SLC25A26: variants seen among roughly 807,000 people sequenced by gnomAD.
SLC25A26 encodes mitochondrial S-adenosylmethionine carrier protein.
Under a neutral mutation model 37.8 loss-of-function variants are expected in SLC25A26, and 36 were observed. The observed-to-expected ratio is 0.95, with a 90% confidence interval of 0.73 to 1.26. The LOEUF (loss-of-function observed/expected upper bound fraction) is 1.26, where lower values mean the gene tolerates loss of function less well. Ranked by LOEUF, SLC25A26 falls within the 50% of genes most tolerant of loss-of-function variation. The probability of loss-of-function intolerance (pLI) is 0.00; values close to 1 mark genes in which losing one functional copy is unlikely to be tolerated. For missense variants in SLC25A26, 390 were observed against 331.1 expected (o/e 1.18, Z -1.38); for synonymous variants, 129 against 122.5 (o/e 1.05, Z -0.35).
At chr3:66,296,796 T>C (rs921059887) in intron 5 of SLC25A26, among the ~76,000 whole-genome samples, 3 of 152,206 alleles carry the variant, frequency 2.0e-5, no homozygotes, top group East Asian at 3.8e-4. Flanking sequence ...CTGGGAAGAA[T>C]TTTTTTAACG....
At chr3:66,279,065 A>G (rs1254278402) in intron 5 of SLC25A26, among the ~76,000 whole-genome samples, 6 of 151,888 alleles carry the variant, frequency 4.0e-5, no homozygotes, top group African/African-American at 1.2e-4. Flanking sequence ...ACCTTCTTGC[A>G]CTCTATCAGT....
intron 1 of SLC25A26, among the ~76,000 whole-genome samples, chr3:66,224,943 T>G (rs2071671359): frequency 6.6e-6 from 1 of 152,218 alleles, no homozygotes; most frequent in Admixed American, 6.5e-5. Context: ...CTCCATGTCT[T>G]ACATCCAGGT....
intron 3 of SLC25A26, among the ~76,000 whole-genome samples, chr3:66,247,914 TAAAATA>T (rs1211703717): frequency 6.6e-6 from 1 of 152,186 alleles, no homozygotes; most frequent in African/African-American, 2.4e-5. Context: ...TTTTCATTTG[TAAAATA>T]AAAAGAAATA....
rs2070178684 is a variant in SLC25A26, at chr3:66,150,185, A to G, written c.-354+16201A>G. ...TAGTGATTGAGCCACTAGAACAACA[A>G]AAGTATTAACTTTAAAAAATATATA... On this transcript the variant is annotated intron_variant, in intron 1 of 10. Coordinates refer to the SLC25A26 transcript ENST00000676754. Among the ~76,000 whole-genome samples the G allele has an allele frequency of 2.0e-5, 3 of 152,130 alleles. No homozygotes were observed. The South Asian group carries it at 6.2e-4, about 32-fold the overall frequency.
intron 1 of SLC25A26, among the ~76,000 whole-genome samples, chr3:66,235,079 A>G (rs923905469): frequency 2.0e-5 from 3 of 152,078 alleles, no homozygotes; most frequent in Non-Finnish European, 4.4e-5. Flanking sequence ...TGTCTTTTTC[A>G]CTAGTAAGTA....
chr3:66,356,168 T>C, intron 6 of SLC25A26: 1 of 440,478 alleles, frequency 2.3e-6, no homozygotes, highest in South Asian at 1.6e-5. Flanking sequence ...GTGGGTCTTT[T>C]AAAAGTGAAA....
At chr3:66,160,051 G>A (rs889458734) in intron 1 of SLC25A26, among the ~76,000 whole-genome samples, 4 of 151,976 alleles carry the variant, frequency 2.6e-5, no homozygotes, top group Non-Finnish European at 5.9e-5. Flanking sequence ...CACCCAGGCT[G>A]GAGTGCAGTG....
intron 1 of SLC25A26, among the ~76,000 whole-genome samples, chr3:66,214,097 G>A (rs1654827118): frequency 6.6e-6 from 1 of 152,146 alleles, no homozygotes; most frequent in East Asian, 1.9e-4. Context: ...GTGATTCCCA[G>A]TGTTGGAGGT....
At chr3:66,343,912 G>T (rs539909488) in intron 5 of SLC25A26, among the ~76,000 whole-genome samples, 2 of 152,274 alleles carry the variant, frequency 1.3e-5, no homozygotes, top group South Asian at 4.1e-4. Flanking sequence ...AATGTCAGAT[G>T]CTTTTATGTT....
At chr3:66,263,948 G>A (rs1002974032) in intron 5 of SLC25A26, among the ~76,000 whole-genome samples, 4 of 151,814 alleles carry the variant, frequency 2.6e-5, no homozygotes, top group South Asian at 4.2e-4. Context: ...GTGAGTCGCC[G>A]CGCCCGGCCT....
At chr3:66,195,524 A>T (rs2071031491) in intron 1 of SLC25A26, among the ~76,000 whole-genome samples, 1 of 152,154 alleles carries the variant, frequency 6.6e-6, no homozygotes, top group African/African-American at 2.4e-5. Flanking sequence ...CTCAGCTAAA[A>T]ACCAGATTCC....
intron 5 of SLC25A26, among the ~76,000 whole-genome samples, chr3:66,268,739 G>A (rs147384706): frequency 3.3e-5 from 5 of 152,310 alleles, no homozygotes; most frequent in African/African-American, 1.2e-4. Flanking sequence ...ATCCCCACGT[G>A]GCAGGGGAGG....
chr3:66,153,067 C>T (rs1003695082), intron 1 of SLC25A26, among the ~76,000 whole-genome samples: 1 of 152,206 alleles, frequency 6.6e-6, no homozygotes, highest in Non-Finnish European at 1.5e-5. Flanking sequence ...AAACATACTT[C>T]TCACTCCCCA....
chr3:66,236,732 C>T (rs368072284), intron 2 of SLC25A26, 32 bp downstream of exon 2: 6 of 1,459,242 alleles, frequency 4.1e-6, no homozygotes, highest in Admixed American at 2.0e-5. Context: ...TCTGTAAAGC[C>T]AAGATAAGAT....
At chr3:66,205,277 G>T (rs2071162405) in intron 1 of SLC25A26, among the ~76,000 whole-genome samples, 1 of 152,136 alleles carries the variant, frequency 6.6e-6, no homozygotes, top group South Asian at 2.1e-4. Context: ...TTTATGGAAT[G>T]ATTTTAAATA....
chr3:66,177,393 A>G (rs187655406), intron 1 of SLC25A26, among the ~76,000 whole-genome samples: 55 of 152,376 alleles, frequency 3.6e-4, no homozygotes, highest in African/African-American at 1.2e-3. Flanking sequence ...AGTTTTGCAC[A>G]TAAAGAGAAT....
intron 7 of SLC25A26, 100 bp from the exon 8 acceptor site, chr3:66,369,378 C>T (rs181819328): frequency 3.4e-6 from 3 of 889,724 alleles, no homozygotes; most frequent in African/African-American, 1.8e-5. Flanking sequence ...GCCAGGTGTA[C>T]ATAATGACGA....
intron 1 of SLC25A26, among the ~76,000 whole-genome samples, chr3:66,215,309 TC>T (rs1473098079): frequency 6.6e-6 from 1 of 152,138 alleles, no homozygotes; most frequent in Non-Finnish European, 1.5e-5. Flanking sequence ...CAAATGATTG[TC>T]CTGCTTCAGC....
chr3:66,153,555 C>T (rs576677312), intron 1 of SLC25A26, among the ~76,000 whole-genome samples: 7 of 152,158 alleles, frequency 4.6e-5, no homozygotes, highest in South Asian at 4.1e-4. Flanking sequence ...CTCTGCAGAC[C>T]GCGCTTTGAG....
Sources: allele counts gnomAD v4.1 joint callset (sites outside exome capture counted in the v4.1 genomes callset), GRCh38; gene constraint gnomAD v4.1.1; transcripts MANE v1.5; gene names NCBI Gene and HGNC (gene_info 2026-07-23, HGNC 2026-07-21).